The following ROBO1 variants were observed in gnomAD, a reference collection of about 807,000 sequenced individuals.
ROBO1 encodes roundabout homolog 1.
ROBO1 carries 149 observed loss-of-function variants against 195.9 expected under a neutral mutation model. That is an observed-to-expected ratio of 0.76 (90% CI 0.67 to 0.87). ROBO1 has a LOEUF of 0.87. Ranked by LOEUF, ROBO1 falls within the 40% of genes least tolerant of loss-of-function variation. The pLI, the probability that ROBO1 is intolerant of heterozygous loss-of-function variation, is 0.00. For synonymous variants in ROBO1, 816 were observed against 733.2 expected (o/e 1.11, Z -1.82); for missense variants, 1,933 against 2,068.3 (o/e 0.93, Z 1.27).
At chr3:79,531,477 ACCAGGCTTGGTGGTGTGCACCTGTAATC>A (rs1941660007) in intron 2 of ROBO1, among the ~76,000 whole-genome samples, 2 of 151,846 alleles carry the variant, frequency 1.3e-5, no homozygotes, top group African/African-American at 4.8e-5. Flanking sequence ...CAAACAATTA[ACCAGGCTTGGTGGTGTGCACCTGTAATC>A]CCAGCTACTC....
intron 3 of ROBO1, among the ~76,000 whole-genome samples, chr3:78,961,913 T>C (rs1385721588): frequency 6.6e-6 from 1 of 151,906 alleles, no homozygotes; most frequent in Non-Finnish European, 1.5e-5. Flanking sequence ...CTTGGGCTTT[T>C]CTTCTAGGCC....
chr3:79,554,267 T>C (rs1027075653), intron 2 of ROBO1, among the ~76,000 whole-genome samples: 5 of 152,082 alleles, frequency 3.3e-5, no homozygotes, highest in African/African-American at 1.2e-4. Context: ...GGAATAAGAC[T>C]GGTACTTAAA....
At chr3:78,745,036 G>T (rs140032196) in intron 5 of ROBO1, among the ~76,000 whole-genome samples, 3 of 152,028 alleles carry the variant, frequency 2.0e-5, no homozygotes, top group African/African-American at 7.3e-5. Flanking sequence ...TTGGCCGGGC[G>T]TGGTGGCTCA....
At chr3:79,211,465 C>T (rs1246986604) in intron 2 of ROBO1, among the ~76,000 whole-genome samples, 1 of 152,168 alleles carries the variant, frequency 6.6e-6, no homozygotes, top group East Asian at 1.9e-4. Context: ...GAAGAGCTCT[C>T]TGCATGACCC....
At chr3:78,812,387 G>C (rs1031098572) in intron 4 of ROBO1, among the ~76,000 whole-genome samples, 1 of 151,934 alleles carries the variant, frequency 6.6e-6, no homozygotes, top group East Asian at 1.9e-4. Context: ...TTAATGCCTC[G>C]GGCACATTTT....
At chr3:78,865,296 G>A (rs1156905909) in intron 4 of ROBO1, among the ~76,000 whole-genome samples, 3 of 152,158 alleles carry the variant, frequency 2.0e-5, no homozygotes, top group Non-Finnish European at 4.4e-5. Flanking sequence ...CAATACTTCT[G>A]TGGTGAAAAT....
intron 2 of ROBO1, among the ~76,000 whole-genome samples, chr3:79,484,156 A>C (rs1278402137): frequency 1.3e-5 from 2 of 152,184 alleles, no homozygotes; most frequent in African/African-American, 4.8e-5. Flanking sequence ...CACGGGGATC[A>C]GTCAAGTTGC....
At chr3:79,570,865 T>C (rs1943255631) in intron 2 of ROBO1, among the ~76,000 whole-genome samples, 2 of 152,142 alleles carry the variant, frequency 1.3e-5, no homozygotes, top group African/African-American at 4.8e-5. Flanking sequence ...TTAAAGTTCA[T>C]CATTACAGTG....
At chr3:79,255,669 T>C (rs1050711483) in intron 2 of ROBO1, among the ~76,000 whole-genome samples, 4 of 152,184 alleles carry the variant, frequency 2.6e-5, no homozygotes, top group Admixed American at 6.6e-5. Flanking sequence ...TAAGCACATA[T>C]TCACACACAC....
rs1705792252 is a variant in ROBO1 at position 78,639,560 on chromosome 3, C to CAA, written c.3037+182_3037+183dup. 4.6e-5 allele frequency among the ~76,000 whole-genome samples: 7 copies of CAA among 152,130 alleles called. No homozygotes were observed. The South Asian group carries it at 1.4e-3, about 31-fold the overall frequency. ...GCAAAACTTTTTTGGTGGACTTTAG[C>CAA]AAAGTATGGAGGTTAAGGGATGGAG... On this transcript the variant is annotated intron_variant, in intron 22 of 30. Coordinates refer to ENST00000464233, the MANE Select transcript of ROBO1 (RefSeq NM_002941.4).
chr3:79,437,129 T>C (rs2038914944), intron 2 of ROBO1, among the ~76,000 whole-genome samples: 2 of 152,082 alleles, frequency 1.3e-5, no homozygotes, highest in Non-Finnish European at 2.9e-5. Flanking sequence ...TCACTGCTAA[T>C]AGAAGTATTG....
intron 2 of ROBO1, among the ~76,000 whole-genome samples, chr3:79,445,948 G>A (rs1029613539): frequency 1.3e-5 from 2 of 151,562 alleles, no homozygotes; most frequent in East Asian, 4.0e-4. Context: ...CACCGCGCCC[G>A]GCCAGGCCTG....
intron 2 of ROBO1, among the ~76,000 whole-genome samples, chr3:79,442,755 C>G (rs1011652096): frequency 6.6e-6 from 1 of 152,098 alleles, no homozygotes; most frequent in Non-Finnish European, 1.5e-5. Flanking sequence ...TTCACTAACA[C>G]CAGGCTAAAG....
chr3:79,684,737 G>A (rs1214006000), intron 1 of ROBO1, among the ~76,000 whole-genome samples: 5 of 151,972 alleles, frequency 3.3e-5, no homozygotes, highest in Non-Finnish European at 5.9e-5. Flanking sequence ...GTGCAGTGAC[G>A]TGATCTCGGC....
intron 1 of ROBO1, among the ~76,000 whole-genome samples, chr3:79,725,331 A>G (rs1032830469): frequency 7.1e-6 from 1 of 139,910 alleles, no homozygotes; most frequent in South Asian, 2.3e-4. Context: ...GGTTCACGCC[A>G]TTCTCCTGCC....
At chr3:79,625,631 A>G (rs1211292749) in intron 1 of ROBO1, among the ~76,000 whole-genome samples, 1 of 151,982 alleles carries the variant, frequency 6.6e-6, no homozygotes, top group Non-Finnish European at 1.5e-5. Context: ...ATTCCTGGAC[A>G]TATACACCCT....
intron 5 of ROBO1, among the ~76,000 whole-genome samples, chr3:78,731,493 T>C (rs1576041365): frequency 1.3e-5 from 2 of 152,246 alleles, no homozygotes; most frequent in African/African-American, 2.4e-5. Flanking sequence ...ATAGAATATA[T>C]GTTCTGTGAT....
At chr3:79,485,391 T>C (rs1041109218) in intron 2 of ROBO1, among the ~76,000 whole-genome samples, 1 of 152,096 alleles carries the variant, frequency 6.6e-6, no homozygotes, top group Non-Finnish European at 1.5e-5. Flanking sequence ...CAATCATATA[T>C]ATGAAAACGG....
intron 1 of ROBO1, among the ~76,000 whole-genome samples, chr3:79,693,139 G>A (rs1947342636): frequency 6.6e-6 from 1 of 151,426 alleles, no homozygotes; most frequent in Admixed American, 6.6e-5. Flanking sequence ...GATTTGAAAG[G>A]CCCTAACCAA....
Sources: gnomAD v4.1 joint callset for allele counts (sites outside exome capture counted in the v4.1 genomes callset) on GRCh38, gnomAD v4.1.1 for gene constraint, MANE v1.5 for transcripts, NCBI Gene and HGNC (gene_info 2026-07-23, HGNC 2026-07-21) for gene names.